ACYP2: variants seen among roughly 807,000 people sequenced by gnomAD.
ACYP2 encodes the protein acylphosphatase 2.
A neutral mutation model predicts 11.2 loss-of-function variants in ACYP2; 12 were observed. The observed-to-expected ratio is 1.08, with a 90% CI of 0.69 to 1.74. The LOEUF is 1.74. Among genes scored for constraint, ACYP2 ranks in the 40% most tolerant of loss-of-function variants. The pLI, the probability that ACYP2 is intolerant of heterozygous loss-of-function variation, is 0.00. For missense variants in ACYP2, 134 were observed against 101.9 expected, an observed-to-expected ratio of 1.31 and a Z score of -1.35; for synonymous variants, 43 against 32.2, an observed-to-expected ratio of 1.33 and a Z score of -1.13.
chr2:54,075,806 C>G (rs1368974634), intron 4 of ACYP2, among the ~76,000 whole-genome samples: 4 of 151,676 alleles, frequency 2.6e-5, no homozygotes, highest in Non-Finnish European at 5.9e-5. Context: ...GAACAAGACT[C>G]CATCTCAAAA....
chr2:54,006,228 A>G (rs1257386812), intron 2 of ACYP2, among the ~76,000 whole-genome samples: 1 of 151,884 alleles, frequency 6.6e-6, no homozygotes, highest in Non-Finnish European at 1.5e-5. Context: ...GCTCACTGCA[A>G]CCTCTGCCTC....
chr2:54,210,348 T>C (rs1027805489), intron 6 of ACYP2, among the ~76,000 whole-genome samples: 4 of 152,164 alleles, frequency 2.6e-5, no homozygotes, highest in African/African-American at 9.7e-5. Context: ...ACATTACTTA[T>C]ATTGTTTATT....
chr2:53,990,865 C>T (rs1052815621), intron 2 of ACYP2, among the ~76,000 whole-genome samples: 4 of 151,230 alleles, frequency 2.6e-5, no homozygotes, highest in Admixed American at 6.6e-5. Context: ...GGCGCGATCT[C>T]GGCTCACTGC....
chr2:54,255,166 A>T, intron 6 of ACYP2: 3 of 1,614,212 alleles, frequency 1.9e-6, no homozygotes, highest in Non-Finnish European at 2.5e-6. Flanking sequence ...CCGGCGCCAC[A>T]TGATTAGAGT....
At chr2:54,217,187 T>G (rs72908753) in intron 6 of ACYP2, among the ~76,000 whole-genome samples, 2 of 152,336 alleles carry the variant, frequency 1.3e-5, no homozygotes, top group African/African-American at 4.8e-5. Context: ...TATTCCCAAC[T>G]TCAGAGAGGC....
intron 6 of ACYP2, among the ~76,000 whole-genome samples, chr2:54,145,797 A>C (rs770730744): frequency 4.6e-5 from 7 of 152,186 alleles, no homozygotes; most frequent in Non-Finnish European, 1.0e-4. Context: ...CTATATATCC[A>C]TCAATATGTA....
chr2:54,142,013 A>T (rs867102483), intron 6 of ACYP2: 1 of 381,496 alleles, frequency 2.6e-6, no homozygotes, highest in Admixed American at 4.5e-5. Context: ...GTGTGTGTGT[A>T]TATTTTGTTG....
chr2:54,255,204 T>C (rs371533600), intron 6 of ACYP2: 11 of 1,614,078 alleles, frequency 6.8e-6, no homozygotes, highest in South Asian at 5.5e-5. Flanking sequence ...GGCCGAAGGA[T>C]CTGACCTCAT....
chr2:54,256,285 C>G, intron 6 of ACYP2: 4 of 962,256 alleles, frequency 4.2e-6, no homozygotes, highest in Non-Finnish European at 6.2e-6. Flanking sequence ...GACACCCACC[C>G]CTCAGTCTCG....
rs377762106 is a variant in ACYP2 at position 54,256,010 on chromosome 2, C to G, written c.405-48678C>G. On this transcript the variant is annotated intron_variant, in intron 6 of 6. Coordinates refer to ENST00000607452, the MANE Select transcript of ACYP2 (RefSeq NM_001320586.2). ...TCTGGAAGCCGGGGCGGTGGGAACA[C>G]GATTGGCTCCAAGCGGCCATCAAAC... The G allele has an allele frequency of 1.2e-6, 2 of 1,614,190 alleles. No homozygotes were observed. Among genetic ancestry groups the G allele is most frequent in the African/African-American group, 2.7e-5 (2 of 75,050 alleles).
intron 6 of ACYP2, among the ~76,000 whole-genome samples, chr2:54,234,473 C>A (rs1196627095): frequency 6.6e-6 from 1 of 152,130 alleles, no homozygotes; most frequent in Non-Finnish European, 1.5e-5. Context: ...GATCTTGATC[C>A]CACTTGTTTG....
intron 3 of ACYP2, chr2:54,051,567 T>C: frequency 1.3e-6 from 1 of 742,174 alleles, no homozygotes; most frequent in South Asian, 1.4e-5. Context: ...GGCCTGTCCA[T>C]TGGTGATGTT....
intron 6 of ACYP2, among the ~76,000 whole-genome samples, chr2:54,279,839 A>G (rs1256825874): frequency 6.6e-6 from 1 of 152,200 alleles, no homozygotes; most frequent in East Asian, 1.9e-4. Context: ...ACATGAGTGC[A>G]CTGGGGACAG....
intron 6 of ACYP2, among the ~76,000 whole-genome samples, chr2:54,165,079 A>G (rs533296177): frequency 6.6e-6 from 1 of 152,050 alleles, no homozygotes; most frequent in South Asian, 2.1e-4. Context: ...AATGGTGTAT[A>G]TGTGCTATAT....
chr2:54,237,557 C>A (rs931460436), intron 6 of ACYP2, among the ~76,000 whole-genome samples: 1 of 152,054 alleles, frequency 6.6e-6, no homozygotes, highest in Non-Finnish European at 1.5e-5. Context: ...TAGCTATATT[C>A]CTTCGGCACT....
At chr2:54,165,061 T>G (rs1446359767) in intron 6 of ACYP2, among the ~76,000 whole-genome samples, 1 of 152,214 alleles carries the variant, frequency 6.6e-6, no homozygotes, top group Non-Finnish European at 1.5e-5. Context: ...TATGGCTGTA[T>G]AGTATTCAAT....
At chr2:54,295,695 A>G (rs911409923) in intron 6 of ACYP2, among the ~76,000 whole-genome samples, 1 of 152,156 alleles carries the variant, frequency 6.6e-6, no homozygotes, top group African/African-American at 2.4e-5. Flanking sequence ...GTATTTATTG[A>G]GTACCCACTA....
chr2:54,257,490 C>T (rs1284545363), intron 6 of ACYP2, among the ~76,000 whole-genome samples: 1 of 152,064 alleles, frequency 6.6e-6, no homozygotes, highest in Non-Finnish European at 1.5e-5. Flanking sequence ...TTCTCTTGAG[C>T]CTGGAAGGAG....
At chr2:54,003,030 C>G (rs1307565076) in intron 2 of ACYP2, among the ~76,000 whole-genome samples, 1 of 152,072 alleles carries the variant, frequency 6.6e-6, no homozygotes, top group South Asian at 2.1e-4. Flanking sequence ...TCAATGCAAC[C>G]TCCACCTCCT....
Sources: allele counts gnomAD v4.1 joint callset (sites outside exome capture counted in the v4.1 genomes callset), GRCh38; gene constraint gnomAD v4.1.1; transcripts MANE v1.5; gene names NCBI Gene and HGNC (gene_info 2026-07-23, HGNC 2026-07-21).